Variants in PAFAH1B2 observed in about 807,000 individuals in gnomAD.
PAFAH1B2 encodes platelet-activating factor acetylhydrolase IB subunit alpha2.
In PAFAH1B2, 8 loss-of-function variants were observed where a neutral mutation model predicts 28.0. The ratio of observed to expected loss-of-function variants is 0.29; its 90% confidence interval spans 0.17 to 0.52. PAFAH1B2 has a LOEUF of 0.52. Among genes scored for constraint, PAFAH1B2 ranks in the 20% least tolerant of loss-of-function variants. The pLI, the probability that PAFAH1B2 is intolerant of heterozygous loss-of-function variation, is 0.97. For missense variants in PAFAH1B2, 190 were observed against 282.6 expected (o/e 0.67, Z 2.35); for synonymous variants, 104 against 103.2 (o/e 1.01, Z -0.05).
chr11:117,169,721 G>GT lies in PAFAH1B2; in HGVS notation c.*2024dup. 7.6e-6 allele frequency: 8 copies of GT among 1,057,836 alleles called. No individual in the cohort carries two copies. Among genetic ancestry groups the GT allele is most frequent in the Non-Finnish European group, 9.1e-6 (8 of 874,806 alleles). The allele number at this position is 1,057,836 out of a possible 1,614,324, so 65.5% of individuals were successfully genotyped here. A position where few individuals can be genotyped will look rare whatever the true frequency, so the allele number is the denominator to read the frequency against. ...TTCCTTTTTATTTTTAGTAGCCCAG[G>GT]TTGAGTTTTTCACAAGAGATTTTTT... On this transcript the variant is annotated 3_prime_UTR_variant, in exon 6 of 6. Coordinates refer to ENST00000527958, the MANE Select transcript of PAFAH1B2 (RefSeq NM_002572.4).
intron 2 of PAFAH1B2, chr11:117,159,386 C>G (rs144942696): frequency 6.6e-6 from 1 of 152,134 alleles, no homozygotes; most frequent in Admixed American, 6.6e-5. Context: ...GCTGTTCTTT[C>G]TAGGCCAAGA....
intron 1 of PAFAH1B2, among the ~76,000 whole-genome samples, chr11:117,149,968 A>C (rs573809139): frequency 1.3e-5 from 2 of 152,154 alleles, no homozygotes; most frequent in East Asian, 3.9e-4. Context: ...GTGGCGGTGC[A>C]TGCCTGTAGT....
chr11:117,168,446 G>GTATGTTGTT lies in PAFAH1B2; in HGVS notation c.*748_*749insATGTTGTTT. ...TCCCCTTCATTCCCCCCGCCACCCC[G>GTATGTTGTT]TTTTTTTTTTTTTTTTTTTTTTTTT... On this transcript the variant is annotated 3_prime_UTR_variant, in exon 6 of 6. Transcript: ENST00000527958. The GTATGTTGTT allele has an allele frequency of 4.9e-6, 1 of 205,912 alleles. No homozygotes were observed. Among genetic ancestry groups the GTATGTTGTT allele is most frequent in the Non-Finnish European group, 5.7e-6 (1 of 175,974 alleles). 12.8% of individuals were successfully genotyped at this position (205,912 alleles called of 1,614,324 possible).
downstream of PAFAH1B2, among the ~76,000 whole-genome samples, chr11:117,177,214 C>A (rs981127247): frequency 6.6e-6 from 1 of 151,912 alleles, no homozygotes; most frequent in Non-Finnish European, 1.5e-5. Context: ...GTCTCCACCC[C>A]CCGGCAGATA....
chr11:117,151,745 G>C (rs957171690), intron 1 of PAFAH1B2, among the ~76,000 whole-genome samples: 3 of 151,854 alleles, frequency 2.0e-5, no homozygotes, highest in Admixed American at 6.6e-5. Context: ...CAGTCGCCCA[G>C]GCTGGAGTGC....
chr11:117,144,715 C>A (rs965805887), intron 1 of PAFAH1B2, among the ~76,000 whole-genome samples: 2 of 152,116 alleles, frequency 1.3e-5, no homozygotes, highest in Non-Finnish European at 2.9e-5. Context: ...CACGGCCTTT[C>A]CCAGGAGGGT....
chr11:117,162,617 A>C lies in PAFAH1B2; in HGVS notation c.289-1153A>C, dbSNP rs1001013247. ...CTGTCTCTAGATTTAAAAAAAAAAA[A>C]AAAAAGCCAGGCATGGTGTCACACA... On this transcript the variant is annotated intron_variant, in intron 4 of 5. Coordinates refer to ENST00000527958, the MANE Select transcript of PAFAH1B2 (RefSeq NM_002572.4). Among the ~76,000 whole-genome samples the C allele has an allele frequency of 5.9e-5, 9 of 151,588 alleles. No individual in the cohort carries two copies. The South Asian group carries it at 8.3e-4, about 14-fold the overall frequency.
In PAFAH1B2 at chr11:117,169,445, T is replaced by G. The variant is rs182087844; in HGVS notation, c.*1746T>G. The G allele has an allele frequency of 1.4e-4, 148 of 1,053,014 alleles. No individual in the cohort carries two copies. Among genetic ancestry groups the G allele is most frequent in the Non-Finnish European group, 1.6e-4 (138 of 871,988 alleles). The allele number at this position is 1,053,014 out of a possible 1,614,324, so 65.2% of individuals were successfully genotyped here. On this transcript the variant is annotated 3_prime_UTR_variant, in exon 6 of 6. Coordinates refer to ENST00000527958, the MANE Select transcript of PAFAH1B2 (RefSeq NM_002572.4). The stretch of plus-strand genomic sequence containing the variant: ...CAGTGATTCCGCTTAATGTTTAAAT[T>G]CAGTAACGTACTTGAAAGGCAAATT...
In PAFAH1B2 at chr11:117,162,605, T is replaced by TAAA. The variant is rs1186205305; in HGVS notation, c.289-1150_289-1148dup. Among the ~76,000 whole-genome samples, 607 of 124,558 alleles carry TAAA rather than the reference T, an allele frequency of 4.9e-3. 7 individuals carry two copies. Among genetic ancestry groups the TAAA allele is most frequent in the African/African-American group, 0.017 (559 of 33,816 alleles). The allele number at this position is 124,558 out of a possible 152,430, so 81.7% of individuals were successfully genotyped here. On this transcript the variant is annotated intron_variant, in intron 4 of 5. Coordinates refer to ENST00000527958, the MANE Select transcript of PAFAH1B2 (RefSeq NM_002572.4). ...CATGGTGAAACCCTGTCTCTAGATT[T>TAAA]AAAAAAAAAAAAAAAAAGCCAGGCA... is the stretch of plus-strand genomic sequence containing the variant.
At chr11:117,162,001 T>C (rs1956383576) in intron 4 of PAFAH1B2, among the ~76,000 whole-genome samples, 1 of 152,174 alleles carries the variant, frequency 6.6e-6, no homozygotes, top group Non-Finnish European at 1.5e-5. Context: ...TGAAGAAAAT[T>C]AGAAGCAGAT....
chr11:117,171,605 C>T, downstream of PAFAH1B2: 1 of 933,476 alleles, frequency 1.1e-6, no homozygotes, highest in South Asian at 1.4e-5. Flanking sequence ...ACTCATTTAT[C>T]ACCCTTACGT....
chr11:117,164,014 C>T (rs533994320), intron 5 of PAFAH1B2, 122 bp downstream of exon 5: 57 of 899,044 alleles, frequency 6.3e-5, no homozygotes, highest in Non-Finnish European at 7.7e-5. Flanking sequence ...ATCATACTTT[C>T]GTTGACCTCT....
At chr11:117,144,883 C>T (rs143355445) in intron 1 of PAFAH1B2, among the ~76,000 whole-genome samples, 262 of 152,324 alleles carry the variant, frequency 1.7e-3, no homozygotes, top group African/African-American at 5.8e-3. Context: ...TCTAACTTCT[C>T]ACTCTTCTCT....
chr11:117,168,446 G>GTTTTTTGT lies in PAFAH1B2; in HGVS notation c.*753_*754insGTTTTTTT. On this transcript the variant is annotated 3_prime_UTR_variant, in exon 6 of 6. Coordinates refer to ENST00000527958, the MANE Select transcript of PAFAH1B2 (RefSeq NM_002572.4). The stretch of plus-strand genomic sequence containing the variant: ...TCCCCTTCATTCCCCCCGCCACCCC[G>GTTTTTTGT]TTTTTTTTTTTTTTTTTTTTTTTTT... 4.7e-5 allele frequency: 11 copies of GTTTTTTGT among 234,820 alleles called. No homozygotes were observed. Among genetic ancestry groups the GTTTTTTGT allele is most frequent in the African/African-American group, 9.1e-5 (1 of 10,946 alleles). The allele number at this position is 234,820 out of a possible 1,614,324, so 14.5% of individuals were successfully genotyped here.
chr11:117,163,817 A>G lies in PAFAH1B2; in HGVS notation c.336A>G (p.Glu112=). The part of the protein sequence containing the change: ...VGTNNHENTA[E]EVAGGIEAIV... ...CAAATAACCACGAAAATACAGCAGA[A>G]GAAGTAGCAGGTGGGATCGAGGCCA... The change falls in exon 5 of 6, where the codon GAA becomes GAG. Residue 112 remains glutamate, a synonymous_variant. Transcript: ENST00000527958. The G allele has an allele frequency of 1.2e-6, 2 of 1,614,126 alleles. No homozygotes were observed. The highest frequency in any genetic ancestry group is 1.1e-5 in the South Asian group (1 of 91,082).
Position 117,163,889 on chromosome 11 carries a change from A to G in PAFAH1B2, c.408A>G (p.Val136=). The change falls in exon 5 of 6, where the codon GTA becomes GTG. Residue 136 remains valine (V), a synonymous_variant. Coordinates refer to ENST00000527958, the MANE Select transcript of PAFAH1B2 (RefSeq NM_002572.4). ...NTRQPQAKII[V]LGLLPRGEKP... ...GGCAGCCACAGGCCAAAATCATTGT[A>G]TTGGTATGTAGTCGTTGGTGGGTAG... The G allele has an allele frequency of 6.2e-7, 1 of 1,613,824 alleles. No homozygotes were observed. Among genetic ancestry groups the G allele is most frequent in the Non-Finnish European group, 8.5e-7 (1 of 1,179,756 alleles).
intron 1 of PAFAH1B2, among the ~76,000 whole-genome samples, chr11:117,149,032 A>C (rs1195662766): frequency 2.6e-5 from 2 of 77,846 alleles, no homozygotes; most frequent in Admixed American, 1.5e-4. Context: ...AACACCTGCC[A>C]ATTTTTTTTT....
intron 1 of PAFAH1B2, among the ~76,000 whole-genome samples, chr11:117,145,677 C>T (rs1955987480): frequency 6.6e-6 from 1 of 152,168 alleles, no homozygotes; most frequent in African/African-American, 2.4e-5. Context: ...GGCTACCGGG[C>T]ATTCAGGATA....
At chr11:117,152,671 G>GCCTC in intron 2 of PAFAH1B2, 143 bp downstream of exon 2, 1 of 647,800 alleles carries the variant, frequency 1.5e-6, no homozygotes, top group South Asian at 1.8e-5. Flanking sequence ...TCCCACTTCA[G>GCCTC]CCTCCCATAT....
Sources: gnomAD v4.1 joint callset for allele counts (sites outside exome capture counted in the v4.1 genomes callset) on GRCh38, gnomAD v4.1.1 for gene constraint, MANE v1.5 for transcripts, NCBI Gene and HGNC (gene_info 2026-07-23, HGNC 2026-07-21) for gene names.